NCK2: variants seen among roughly 807,000 people sequenced by gnomAD.
The protein encoded by NCK2 is cytoplasmic protein NCK2.
In NCK2, 16 loss-of-function variants were observed where a neutral mutation model predicts 33.9. That is an observed-to-expected ratio of 0.47 (90% CI 0.32 to 0.72). The LOEUF (loss-of-function observed/expected upper bound fraction) is 0.72. NCK2 is among the 30% of genes least tolerant of loss of function. The pLI, the probability that NCK2 is intolerant of heterozygous loss-of-function variation, is 0.03. For synonymous variants in NCK2, 273 were observed against 239.9 expected (o/e 1.14, Z -1.27); for missense variants, 418 against 537.3 (o/e 0.78, Z 2.19).
chr2:105,785,869 C>T (rs776942291), intron 1 of NCK2, among the ~76,000 whole-genome samples: 6 of 152,124 alleles, frequency 3.9e-5, no homozygotes, highest in Non-Finnish European at 5.9e-5. Flanking sequence ...AAAATAAATA[C>T]GATATCTAGT....
At chr2:105,764,714 C>T (rs1240259361) in intron 1 of NCK2, among the ~76,000 whole-genome samples, 2 of 152,198 alleles carry the variant, frequency 1.3e-5, no homozygotes, top group Admixed American at 6.5e-5. Flanking sequence ...GACTCTTAAG[C>T]ATAGTTTTTG....
chr2:105,862,736 C>T (rs1186743097), intron 3 of NCK2, among the ~76,000 whole-genome samples: 1 of 152,142 alleles, frequency 6.6e-6, no homozygotes, highest in African/African-American at 2.4e-5. Flanking sequence ...ATAAAGTATT[C>T]GGGTAATGGA....
At chr2:105,749,674 G>A (rs1036278212) in intron 1 of NCK2, among the ~76,000 whole-genome samples, 1 of 152,026 alleles carries the variant, frequency 6.6e-6, no homozygotes, top group African/African-American at 2.4e-5. Flanking sequence ...GCTGTGTGTA[G>A]ATATTGGTGG....
chr2:105,779,222 G>A (rs1256524850), intron 1 of NCK2, among the ~76,000 whole-genome samples: 1 of 148,060 alleles, frequency 6.8e-6, no homozygotes, highest in Non-Finnish European at 1.5e-5. Context: ...CATGAGAATC[G>A]CTAGAAACTG....
intron 1 of NCK2, among the ~76,000 whole-genome samples, chr2:105,755,707 T>C (rs1426077431): frequency 6.6e-6 from 1 of 151,398 alleles, no homozygotes; most frequent in Admixed American, 6.6e-5. Flanking sequence ...CCCGAACCCA[T>C]GCCTATAAAT....
At chr2:105,836,537 T>C (rs1388521294) in intron 2 of NCK2, among the ~76,000 whole-genome samples, 2 of 152,076 alleles carry the variant, frequency 1.3e-5, no homozygotes, top group East Asian at 3.9e-4. Flanking sequence ...GGGAGCAAAG[T>C]TGTTGGTGGA....
At chr2:105,829,073 T>G (rs2104516575) in intron 2 of NCK2, among the ~76,000 whole-genome samples, 1 of 152,312 alleles carries the variant, frequency 6.6e-6, no homozygotes, top group Non-Finnish European at 1.5e-5. Context: ...GTTCAGCAAG[T>G]GCTAGCTAGT....
intron 3 of NCK2, among the ~76,000 whole-genome samples, chr2:105,865,029 T>G (rs1294176517): frequency 6.6e-6 from 1 of 152,156 alleles, no homozygotes. Flanking sequence ...TCTTGGTAGC[T>G]GGTGTCAGGG....
chr2:105,879,655 A>G (rs1678388205), intron 3 of NCK2, among the ~76,000 whole-genome samples: 2 of 152,256 alleles, frequency 1.3e-5, no homozygotes, highest in Non-Finnish European at 2.9e-5. Flanking sequence ...GTGGCCTCAC[A>G]TGCCTCCTGG....
intron 1 of NCK2, among the ~76,000 whole-genome samples, chr2:105,758,413 GT>G (rs574939583): frequency 5.1e-4 from 67 of 132,510 alleles, no homozygotes; most frequent in South Asian, 4.8e-4. Flanking sequence ...TGTTGTTTTT[GT>G]TTTTTTTTTT....
In NCK2 at chr2:105,793,109, G is replaced by T. The variant is rs187542661; in HGVS notation, c.-200-23321G>T. Among the ~76,000 whole-genome samples the T allele has an allele frequency of 2.9e-3, 437 of 152,252 alleles. 3 individuals carry two copies. Among genetic ancestry groups the T allele is most frequent in the Middle Eastern group, 0.014 (4 of 294 alleles). The stretch of plus-strand genomic sequence containing the variant: ...GGCCGTGGAATTGAGAAGTGGCAGT[G>T]TGGCTCGCAAATTGGCTTCTCAGTC... On this transcript the variant is annotated intron_variant, in intron 1 of 4. Transcript: ENST00000233154.
chr2:105,851,696 C>G (rs930310339), intron 2 of NCK2: 2 of 152,290 alleles, frequency 1.3e-5, no homozygotes, highest in African/African-American at 2.4e-5. Context: ...GATTGGCTGT[C>G]CCTCTGAAGC....
chr2:105,865,720 C>T (rs1008962465), intron 3 of NCK2, among the ~76,000 whole-genome samples: 1 of 152,106 alleles, frequency 6.6e-6, no homozygotes, highest in African/African-American at 2.4e-5. Context: ...TGAGTTTAAT[C>T]TGGGAGCAGT....
chr2:105,861,515 T>C (rs1377354764), intron 3 of NCK2, among the ~76,000 whole-genome samples: 6 of 24,680 alleles, frequency 2.4e-4, no homozygotes, highest in Non-Finnish European at 4.2e-4. Flanking sequence ...GTTTTTCTCT[T>C]TTTTTTTTTT....
rs746163342 is a variant in NCK2, at chr2:105,893,187, G to A, written c.*11G>A. ...AGGGCCCTGCAGTGACGGCGCCCCG[G>A]CCCCACACTCGCCTCCCGGGCCCCA... On this transcript the variant is annotated 3_prime_UTR_variant, in exon 5 of 5. Coordinates refer to ENST00000233154, the MANE Select transcript of NCK2 (RefSeq NM_003581.5). 35 of 1,572,984 alleles carry A rather than the reference G, an allele frequency of 2.2e-5. No individual in the cohort carries two copies. Among genetic ancestry groups the A allele is most frequent in the Non-Finnish European group, 3.0e-5 (35 of 1,158,572 alleles).
At chr2:105,887,026 G>A (rs1047637825) in intron 4 of NCK2, among the ~76,000 whole-genome samples, 18 of 152,226 alleles carry the variant, frequency 1.2e-4, no homozygotes, top group African/African-American at 4.3e-4. Context: ...AAGCTGGTGA[G>A]ACTCTTCACA....
chr2:105,811,453 C>T (rs1675291924), intron 1 of NCK2, among the ~76,000 whole-genome samples: 1 of 152,198 alleles, frequency 6.6e-6, no homozygotes, highest in South Asian at 2.1e-4. Flanking sequence ...CCAGCAATAA[C>T]TTAAGCAGAC....
At chr2:105,861,272 A>G (rs911547407) in intron 3 of NCK2, among the ~76,000 whole-genome samples, 2 of 152,186 alleles carry the variant, frequency 1.3e-5, no homozygotes. Context: ...TTAACAATAG[A>G]TGCCCTTACA....
intron 2 of NCK2, among the ~76,000 whole-genome samples, chr2:105,823,132 C>CTGTGTGTGTGTGTGTGTGTG (rs10610689): frequency 1.3e-5 from 2 of 148,530 alleles, no homozygotes; most frequent in Non-Finnish European, 3.0e-5. Flanking sequence ...TCCTCTCATG[C>CTGTGTGTGTGTGTGTGTGTG]TGTGTGTGTG....
Sources: gnomAD v4.1 joint callset for allele counts (sites outside exome capture counted in the v4.1 genomes callset) on GRCh38, gnomAD v4.1.1 for gene constraint, MANE v1.5 for transcripts, NCBI Gene and HGNC (gene_info 2026-07-23, HGNC 2026-07-21) for gene names.